The following MPC2 variants were observed in gnomAD, a reference collection of about 807,000 sequenced individuals.
MPC2 encodes mitochondrial pyruvate carrier 2.
Under a neutral mutation model 19.2 loss-of-function variants are expected in MPC2, and 19 were observed. The ratio of observed to expected loss-of-function variants is 0.99; its 90% CI spans 0.69 to 1.45. The LOEUF (loss-of-function observed/expected upper bound fraction) is 1.45. Among genes scored for constraint, MPC2 ranks in the 40% most tolerant of loss-of-function variants. The pLI is 0.00. For synonymous variants in MPC2, 61 were observed against 54.3 expected, an observed-to-expected ratio of 1.12 and a Z score of -0.54; for missense variants, 122 against 153.0, an observed-to-expected ratio of 0.80 and a Z score of 1.07.
chr1:167,929,695 C>T (rs1273279466), intron 2 of MPC2, among the ~76,000 whole-genome samples: 2 of 152,132 alleles, frequency 1.3e-5, no homozygotes, highest in Non-Finnish European at 2.9e-5. Flanking sequence ...AAGTAGGCCA[C>T]CTATCGTATA....
intron 5 of MPC2, among the ~76,000 whole-genome samples, chr1:167,919,079 A>G (rs1007800326): frequency 2.0e-5 from 3 of 152,262 alleles, no homozygotes; most frequent in African/African-American, 7.2e-5. Flanking sequence ...TTTCCTAAGA[A>G]TAAGATCAAC....
In MPC2 at chr1:167,935,883, G is replaced by A; in HGVS notation, c.-42C>T. ...TTGGCAGCCGGGTGGGAGCGTGGCT[G>A]TGTTCTCGTCCCTGGCTGACAACGA... On this transcript the variant is annotated 5_prime_UTR_variant, in exon 2 of 6. Transcript: ENST00000271373. 6.9e-7 allele frequency: 1 copy of A among 1,448,388 alleles called. No individual in the cohort carries two copies. The highest frequency in any genetic ancestry group is 9.5e-7 in the Non-Finnish European group (1 of 1,055,340). 89.7% of individuals were successfully genotyped at this position (1,448,388 alleles called of 1,614,324 possible).
intron 2 of MPC2, among the ~76,000 whole-genome samples, chr1:167,930,232 A>G (rs767174243): frequency 7.9e-5 from 12 of 152,208 alleles, no homozygotes; most frequent in Non-Finnish European, 1.6e-4. Flanking sequence ...CTGAAAATAC[A>G]CTTTGGTTTG....
chr1:167,919,117 C>A (rs1670539295), intron 5 of MPC2, among the ~76,000 whole-genome samples: 1 of 152,154 alleles, frequency 6.6e-6, no homozygotes, highest in African/African-American at 2.4e-5. Context: ...CTAAAGTAAT[C>A]ACTAAAGTAA....
Position 167,920,013 on chromosome 1 carries a change from C to G in MPC2, c.313G>C (p.Ala105Pro). Residue 105 changes from alanine (A) to proline (P), a missense_variant, in exon 5 of 6, where the codon GCA becomes CCA. Ala to Pro is a conservative substitution (Grantham distance 27, BLOSUM62 -1). Transcript: ENST00000271373. Reference sequence around the variant, plus strand: ...CGAAAAAGCTGAGAGGCTCCTGCTGCCCCCACAAAGAAATTAACAGCAAAC... The same window carrying G: ...CGAAAAAGCTGAGAGGCTCCTGCTGGCCCCACAAAGAAATTAACAGCAAAC... ...SLFAVNFFVG[A>P]AGASQLFRIW... 1 of 1,613,292 alleles carries G rather than the reference C, an allele frequency of 6.2e-7. No individual in the cohort carries two copies.
intron 2 of MPC2, among the ~76,000 whole-genome samples, chr1:167,927,385 G>A (rs1027356317): frequency 6.6e-6 from 1 of 152,126 alleles, no homozygotes; most frequent in Non-Finnish European, 1.5e-5. Flanking sequence ...CATTACACCT[G>A]GTTCATTTTT....
Position 167,920,621 on chromosome 1 carries a change from C to T in MPC2, c.161G>A (p.Cys54Tyr), listed in dbSNP as rs780825836. Residue 54 changes from cysteine (C) to tyrosine (Y), a missense_variant, in exon 4 of 6, where the codon TGT becomes TAT. Physicochemically the swap from Cys to Tyr is radical, Grantham distance 194. Coordinates refer to ENST00000271373, the MANE Select transcript of MPC2 (RefSeq NM_001143674.4). The stretch of plus-strand genomic sequence containing the variant: ...TCTGGCCATATCAGCCAATCCAGCA[C>T]ACACCAACCCCTACACATTAACGCA... The part of the protein sequence containing the change: ...WAPIMKWGLV[C>Y]AGLADMARPA... The T allele has an allele frequency of 1.3e-5, 21 of 1,613,412 alleles. No homozygotes were observed. The South Asian group carries it at 1.9e-4, about 14-fold the overall frequency.
rs963805761 is a variant in MPC2 at position 167,918,087 on chromosome 1, T to G, written c.*236A>C. On this transcript the variant is annotated 3_prime_UTR_variant, in exon 6 of 6. Transcript: ENST00000271373. ...AGGGGGTATATACGAGCAAGTATGGTTTATTACGGACAAATGGTAGAAAAA... is the reference window on the plus strand; with the variant it reads ...AGGGGGTATATACGAGCAAGTATGGGTTATTACGGACAAATGGTAGAAAAA... 3 of 413,584 alleles carry G rather than the reference T, an allele frequency of 7.3e-6. No individual in the cohort carries two copies. The highest frequency in any genetic ancestry group is 1.3e-5 in the Non-Finnish European group (3 of 231,206). The allele number at this position is 413,584 out of a possible 1,614,324, so 25.6% of individuals were successfully genotyped here.
chr1:167,929,449 T>C (rs757018675), intron 2 of MPC2, among the ~76,000 whole-genome samples: 1 of 152,240 alleles, frequency 6.6e-6, no homozygotes, highest in African/African-American at 2.4e-5. Flanking sequence ...TTGTGTTTTA[T>C]TGCCTTATTT....
At chr1:167,936,831 G>T (rs1571535304) in intron 1 of MPC2, 108 bp downstream of exon 1, 3 of 1,262,496 alleles carry the variant, frequency 2.4e-6, no homozygotes, top group Admixed American at 4.1e-5. Flanking sequence ...GGTGCGGCTC[G>T]GGTGTTGAAA....
chr1:167,936,866 C>T (rs768454233), intron 1 of MPC2, 73 bp downstream of exon 1: 3 of 1,486,354 alleles, frequency 2.0e-6, no homozygotes, highest in South Asian at 2.4e-5. Flanking sequence ...CCCTCCTCCC[C>T]TCCCCCACGC....
At chr1:167,930,356 A>G (rs866066950) in intron 2 of MPC2, among the ~76,000 whole-genome samples, 8 of 152,210 alleles carry the variant, frequency 5.3e-5, no homozygotes, top group Admixed American at 2.0e-4. Context: ...TTACTTTTAG[A>G]TTTAGAAAGA....
At chr1:167,935,367 GTTAA>G (rs34350582) in intron 2 of MPC2, among the ~76,000 whole-genome samples, 135 of 152,308 alleles carry the variant, frequency 8.9e-4, no homozygotes, top group African/African-American at 3.1e-3. Flanking sequence ...CCTAGAGTGG[GTTAA>G]TATGCCACAA....
chr1:167,924,330 G>T, intron 3 of MPC2, 167 bp downstream of exon 3: 1 of 498,848 alleles, frequency 2.0e-6, no homozygotes, highest in Non-Finnish European at 3.5e-6. Flanking sequence ...AAAGTAGATA[G>T]TTGCTTTATG....
chr1:167,917,400 A>C lies in MPC2; in HGVS notation c.*923T>G, dbSNP rs1014185239. On this transcript the variant is annotated 3_prime_UTR_variant, in exon 6 of 6. Coordinates refer to ENST00000271373, the MANE Select transcript of MPC2 (RefSeq NM_001143674.4). ...GATCACCTGAGCCCAGGAGTTCGAGACCAGCCTGGGCAACATGACAAAACC... is the reference window on the plus strand; with the variant it reads ...GATCACCTGAGCCCAGGAGTTCGAGCCCAGCCTGGGCAACATGACAAAACC... 6 of 152,222 alleles carry C rather than the reference A, an allele frequency of 3.9e-5. No individual in the cohort carries two copies. The highest frequency in any genetic ancestry group is 3.9e-4 in the Admixed American group (6 of 15,260). 9.4% of individuals were successfully genotyped at this position (152,222 alleles called of 1,614,324 possible).
Position 167,924,540 on chromosome 1 carries a change from G to GAAAAA in MPC2, c.110-8_110-4dup. 10 of 1,243,758 alleles carry GAAAAA rather than the reference G, an allele frequency of 8.0e-6. No homozygotes were observed. Among genetic ancestry groups the GAAAAA allele is most frequent in the East Asian group, 5.7e-5 (2 of 35,144 alleles). 77.0% of individuals were successfully genotyped at this position (1,243,758 alleles called of 1,614,324 possible). On this transcript the variant is annotated splice_region_variant and splice_polypyrimidine_tract_variant and intron_variant, in intron 2 of 5. Transcript: ENST00000271373. ...CCAGAAGAAAACTGTTCTGGGACCT[G>GAAAAA]AAAAAAAAAAGAAAAGAAAAATTCA...
At position 167,936,924 on chromosome 1, in the gene MPC2, G is replaced by A. The variant is rs781123320; in HGVS notation, c.-58+15C>T. ...CTCAGGCAGAGCCATGTCTCGGGGTGGCTCCTACCCACACCTGTTGTGGGA... is the reference window on the plus strand; with the variant it reads ...CTCAGGCAGAGCCATGTCTCGGGGTAGCTCCTACCCACACCTGTTGTGGGA... On this transcript the variant is annotated intron_variant, in intron 1 of 5. Coordinates refer to ENST00000271373, the MANE Select transcript of MPC2 (RefSeq NM_001143674.4). 3.7e-6 allele frequency: 6 copies of A among 1,606,298 alleles called. No individual in the cohort carries two copies. The Admixed American group carries it at 6.8e-5, about 18-fold the overall frequency.
rs1338227632 is a variant in MPC2, at chr1:167,925,466, TATATATATAC to T, written c.110-939_110-930del. Among the ~76,000 whole-genome samples the T allele has an allele frequency of 6.5e-3, 765 of 116,884 alleles. 7 individuals are homozygous for T. The highest frequency in any genetic ancestry group is 0.021 in the African/African-American group (513 of 24,186). The allele number at this position is 116,884 out of a possible 152,430, so 76.7% of individuals were successfully genotyped here. ...ACATATATATATATATATATATATA[TATATATATAC>T]ATATACATATACACACACATATATA... On this transcript the variant is annotated intron_variant, in intron 2 of 5. Transcript: ENST00000271373.
intron 4 of MPC2, 41 bp from the exon 5 acceptor site, chr1:167,920,131 C>A: frequency 3.3e-6 from 4 of 1,216,546 alleles, no homozygotes; most frequent in South Asian, 1.3e-5. Flanking sequence ...ATACATACTG[C>A]TTCAATAACT....
Sources: gnomAD v4.1 joint callset for allele counts (sites outside exome capture counted in the v4.1 genomes callset) on GRCh38, gnomAD v4.1.1 for gene constraint, MANE v1.5 for transcripts, NCBI Gene and HGNC (gene_info 2026-07-23, HGNC 2026-07-21) for gene names.